MAF: variants seen among roughly 807,000 people sequenced by gnomAD.
MAF encodes the protein MAF bZIP transcription factor.
A neutral mutation model predicts 22.0 loss-of-function variants in MAF; 10 were observed. That is an observed-to-expected ratio of 0.45 (90% CI 0.28 to 0.77). The LOEUF is 0.77. MAF is among the 30% of genes least tolerant of loss of function. The probability of loss-of-function intolerance (pLI) is 0.12; values close to 1 mark genes in which losing one functional copy is unlikely to be tolerated. For missense variants in MAF, 544 were observed against 548.4 expected (o/e 0.99, Z 0.08); for synonymous variants, 337 against 255.8 (o/e 1.32, Z -3.03).
the MAF span, among the ~76,000 whole-genome samples, chr16:79,442,026 G>A: frequency 1.3e-5 from 2 of 152,238 alleles, no homozygotes; most frequent in Admixed American, 6.5e-5. Context: ...AAGAACGCCA[G>A]CAGGACCCAG....
the MAF span, among the ~76,000 whole-genome samples, chr16:79,367,514 G>C: frequency 1.3e-5 from 2 of 152,206 alleles, no homozygotes; most frequent in East Asian, 3.8e-4. Context: ...TCTGATGCTT[G>C]TCAAGTGGTG....
the MAF span, among the ~76,000 whole-genome samples, chr16:79,506,897 A>G: frequency 6.6e-6 from 1 of 152,220 alleles, no homozygotes; most frequent in African/African-American, 2.4e-5. Context: ...GGACAAAAAT[A>G]AAGGGTTGAA....
the MAF span, among the ~76,000 whole-genome samples, chr16:79,372,694 T>G: frequency 1.3e-5 from 2 of 152,184 alleles, no homozygotes; most frequent in Non-Finnish European, 2.9e-5. Context: ...AATTTCATGT[T>G]TGACCTCAGG....
At chr16:79,240,487 GAAAAAAAAA>G in the MAF span, among the ~76,000 whole-genome samples, 139 of 60,544 alleles carry the variant, frequency 2.3e-3, no homozygotes, top group African/African-American at 4.4e-3. Flanking sequence ...AGCATCTCTG[GAAAAAAAAA>G]AAAAAAAAAA....
chr16:79,205,743 C>T, the MAF span: 3 of 152,080 alleles, frequency 2.0e-5, no homozygotes, highest in Non-Finnish European at 4.4e-5. Context: ...TTGTTGAAGG[C>T]CTTTGTGGGA....
chr16:79,448,193 G>A, the MAF span, among the ~76,000 whole-genome samples: 29 of 152,144 alleles, frequency 1.9e-4, no homozygotes, highest in Non-Finnish European at 1.8e-4. Flanking sequence ...CAGAGAAATT[G>A]TTAGTGAAAG....
chr16:79,509,799 T>C, the MAF span, among the ~76,000 whole-genome samples: 2 of 152,218 alleles, frequency 1.3e-5, no homozygotes, highest in Non-Finnish European at 2.9e-5. Context: ...AAACTTATTT[T>C]GTTTCTTAGG....
At chr16:79,526,824 A>G in the MAF span, among the ~76,000 whole-genome samples, 2,547 of 150,340 alleles carry the variant, frequency 0.017, 77 homozygotes, top group African/African-American at 0.057. Flanking sequence ...GATACATTCA[A>G]TATTACGATA....
the MAF span, among the ~76,000 whole-genome samples, chr16:79,210,159 C>T: frequency 2.6e-5 from 4 of 152,230 alleles, no homozygotes; most frequent in African/African-American, 9.7e-5. Context: ...AGTCGTATCA[C>T]TTGACTGCAT....
chr16:79,598,601 T>TGTGTGTGC (rs1913734105), intron 1 of MAF, 184 bp downstream of exon 1: 3 of 1,484,092 alleles, frequency 2.0e-6, no homozygotes, highest in Admixed American at 2.1e-5. Flanking sequence ...TGTGTGTGTG[T>TGTGTGTGC]GTGTGTGTGG....
At chr16:79,385,543 G>C in the MAF span, among the ~76,000 whole-genome samples, 2 of 152,308 alleles carry the variant, frequency 1.3e-5, no homozygotes, top group Non-Finnish European at 2.9e-5. Flanking sequence ...TTATGGCTTT[G>C]AATAATAAGA....
chr16:79,244,330 C>G, the MAF span, among the ~76,000 whole-genome samples: 1 of 151,922 alleles, frequency 6.6e-6, no homozygotes, highest in African/African-American at 2.4e-5. Flanking sequence ...TCATCTCAGC[C>G]CAAAATCTCC....
the MAF span, among the ~76,000 whole-genome samples, chr16:79,238,532 G>C: frequency 6.6e-6 from 1 of 152,034 alleles, no homozygotes; most frequent in Admixed American, 6.6e-5. Flanking sequence ...GTTGTTGCCA[G>C]ACTGTTTTCA....
the MAF span, among the ~76,000 whole-genome samples, chr16:79,434,109 G>C: frequency 6.6e-6 from 1 of 152,310 alleles, no homozygotes; most frequent in Admixed American, 6.5e-5. Flanking sequence ...CACTCCCTGA[G>C]TTGTGCAGTG....
the MAF span, among the ~76,000 whole-genome samples, chr16:79,419,205 G>A: frequency 0.052 from 7,884 of 152,176 alleles, 450 homozygotes; most frequent in African/African-American, 0.14. Context: ...ATATCAGCAT[G>A]GGCCAAACAC....
At chr16:79,541,757 G>A in the MAF span, among the ~76,000 whole-genome samples, 5 of 148,602 alleles carry the variant, frequency 3.4e-5, no homozygotes, top group Admixed American at 2.1e-4. Context: ...CCGGGTTCAA[G>A]AGATTCTCCT....
At chr16:79,220,274 A>AAAG in the MAF span, among the ~76,000 whole-genome samples, 1 of 148,194 alleles carries the variant, frequency 6.7e-6, no homozygotes, top group South Asian at 2.1e-4. Flanking sequence ...AAAAAAAAAA[A>AAAG]GTTAAAGTTA....
intron 1 of MAF, chr16:79,595,813 G>C (rs940960278): frequency 1.8e-5 from 19 of 1,056,722 alleles, no homozygotes; most frequent in Non-Finnish European, 2.1e-5. Context: ...GAATATTCAC[G>C]GTGAAATATG....
chr16:79,358,123 G>A, the MAF span, among the ~76,000 whole-genome samples: 1 of 152,214 alleles, frequency 6.6e-6, no homozygotes, highest in African/African-American at 2.4e-5. Flanking sequence ...CCTGCCCCCA[G>A]AGGAAGGGCA....
Sources: allele counts gnomAD v4.1 joint callset (sites outside exome capture counted in the v4.1 genomes callset), GRCh38; gene constraint gnomAD v4.1.1; transcripts MANE v1.5; gene names NCBI Gene and HGNC (gene_info 2026-07-23, HGNC 2026-07-21).